DLGAP1: variants seen among roughly 807,000 people sequenced by gnomAD.
DLGAP1 encodes DLG associated protein 1.
Under a neutral mutation model 90.8 loss-of-function variants are expected in DLGAP1, and 11 were observed. That is an observed-to-expected ratio of 0.12 (90% CI 0.08 to 0.20). DLGAP1 has a LOEUF of 0.20. Ranked by LOEUF, DLGAP1 falls within the 10% of genes least tolerant of loss-of-function variation. The probability of loss-of-function intolerance (pLI) is 1.00; values close to 1 mark genes in which losing one functional copy is unlikely to be tolerated. For missense variants in DLGAP1, 1,050 were observed against 1,333.8 expected (o/e 0.79, Z 3.31); for synonymous variants, 558 against 540.7 (o/e 1.03, Z -0.44).
At chr18:4,135,809 C>T (rs9962568) in intron 2 of DLGAP1, among the ~76,000 whole-genome samples, 7,512 of 90,712 alleles carry the variant, frequency 0.083, 689 homozygotes, top group African/African-American at 0.32. Flanking sequence ...TTTTTTTTTA[C>T]GGCTGAATAG....
At chr18:3,885,816 A>T (rs938315606) in intron 3 of DLGAP1, among the ~76,000 whole-genome samples, 1 of 152,210 alleles carries the variant, frequency 6.6e-6, no homozygotes, top group South Asian at 2.1e-4. Context: ...TCAGAGTGTG[A>T]GATGCACAGT....
At chr18:4,442,062 G>A (rs1037880576) in intron 1 of DLGAP1, among the ~76,000 whole-genome samples, 1 of 152,174 alleles carries the variant, frequency 6.6e-6, no homozygotes, top group African/African-American at 2.4e-5. Context: ...CGCGATCTCA[G>A]CTCACTGAAA....
chr18:4,124,483 T>C (rs2076202031), intron 2 of DLGAP1, among the ~76,000 whole-genome samples: 2 of 152,250 alleles, frequency 1.3e-5, no homozygotes, highest in African/African-American at 2.4e-5. Flanking sequence ...AGACACATAA[T>C]GACAGGCCAG....
chr18:3,628,445 C>T (rs1215147005), intron 7 of DLGAP1, among the ~76,000 whole-genome samples: 1 of 152,146 alleles, frequency 6.6e-6, no homozygotes, highest in Non-Finnish European at 1.5e-5. Context: ...ACCTCAGCCT[C>T]CCAGAGTGCT....
chr18:3,959,669 A>AAAGAAAGAAAGAAAG lies in DLGAP1; in HGVS notation c.-73+45446_-73+45447insCTTTCTTTCTTTCTT, dbSNP rs1555714889. Among the ~76,000 whole-genome samples the AAAGAAAGAAAGAAAG allele has an allele frequency of 7.9e-3, 1,181 of 149,282 alleles. 14 individuals are homozygous for AAAGAAAGAAAGAAAG. The highest frequency in any genetic ancestry group is 0.042 in the East Asian group (216 of 5,102). ...ACAGAGCGAGACTCTGTCTCAAAAA[A>AAAGAAAGAAAGAAAG]AAAGAAAGAAAGAAAGAAAGAAAGA... On this transcript the variant is annotated intron_variant, in intron 3 of 12. Coordinates refer to ENST00000315677, the MANE Select transcript of DLGAP1 (RefSeq NM_004746.4).
chr18:4,316,268 C>T (rs909999768), intron 1 of DLGAP1, among the ~76,000 whole-genome samples: 7 of 152,162 alleles, frequency 4.6e-5, no homozygotes, highest in South Asian at 2.1e-4. Context: ...TGACAGTAAC[C>T]GCCTATTAAC....
chr18:3,680,937 C>T (rs1023180331), intron 7 of DLGAP1, among the ~76,000 whole-genome samples: 3 of 152,126 alleles, frequency 2.0e-5, no homozygotes, highest in Non-Finnish European at 4.4e-5. Context: ...TTTCCACAAG[C>T]CTCGTGAAAG....
chr18:3,687,425 C>G (rs1003035677), intron 7 of DLGAP1, among the ~76,000 whole-genome samples: 1 of 152,070 alleles, frequency 6.6e-6, no homozygotes, highest in Non-Finnish European at 1.5e-5. Context: ...TGTAAGCATA[C>G]GCCAACAACA....
intron 2 of DLGAP1, among the ~76,000 whole-genome samples, chr18:4,024,166 A>G (rs974477770): frequency 6.6e-6 from 1 of 152,220 alleles, no homozygotes; most frequent in Non-Finnish European, 1.5e-5. Flanking sequence ...GAGATAGTAT[A>G]TACAAATATC....
chr18:3,772,332 TTC>T (rs10532577), intron 5 of DLGAP1, among the ~76,000 whole-genome samples: 41,212 of 92,088 alleles, frequency 0.45, 10,413 homozygotes, highest in East Asian at 0.64. Flanking sequence ...CTTTCTCTCC[TTC>T]TCTCTCTCTC....
intron 2 of DLGAP1, among the ~76,000 whole-genome samples, chr18:4,014,154 C>T (rs1356442856): frequency 1.4e-5 from 2 of 146,212 alleles, no homozygotes; most frequent in Non-Finnish European, 3.0e-5. Flanking sequence ...GGCATGATCT[C>T]GACTCACTGC....
chr18:4,436,019 G>T (rs1351385892), intron 1 of DLGAP1, among the ~76,000 whole-genome samples: 2 of 152,194 alleles, frequency 1.3e-5, no homozygotes, highest in Non-Finnish European at 2.9e-5. Flanking sequence ...TATCAGCAAA[G>T]AAGCTCAAAA....
intron 3 of DLGAP1, among the ~76,000 whole-genome samples, chr18:3,990,273 C>T (rs1189841421): frequency 6.6e-6 from 1 of 151,866 alleles, no homozygotes; most frequent in Non-Finnish European, 1.5e-5. Flanking sequence ...GAAAATGTGG[C>T]ACATATACAC....
intron 9 of DLGAP1, among the ~76,000 whole-genome samples, chr18:3,548,270 A>T (rs1599169042): frequency 1.7e-5 from 2 of 118,388 alleles, no homozygotes; most frequent in South Asian, 2.4e-4. Flanking sequence ...TCTTAGTATA[A>T]TTTTTCTAAA....
chr18:3,630,731 T>G (rs2058493518), intron 7 of DLGAP1, among the ~76,000 whole-genome samples: 1 of 152,222 alleles, frequency 6.6e-6, no homozygotes, highest in South Asian at 2.1e-4. Context: ...GCTACTGCCC[T>G]GTCCTTGTGC....
chr18:4,421,005 TTATTAG>T (rs1213673673), intron 1 of DLGAP1, among the ~76,000 whole-genome samples: 4 of 152,214 alleles, frequency 2.6e-5, no homozygotes, highest in Admixed American at 1.3e-4. Context: ...CTTGAAACTA[TTATTAG>T]TATCTTCAAA....
rs556833320 is a variant in DLGAP1 at position 4,092,944 on chromosome 18, TG to T, written c.-159+58235del. On this transcript the variant is annotated intron_variant, in intron 2 of 12. Coordinates refer to ENST00000315677, the MANE Select transcript of DLGAP1 (RefSeq NM_004746.4). ...TAGCTGATTTCTTCTTTTAACTGTA[TG>T]GAGCCTGATGCCTCTTCCTCCAGTG... 5.8e-3 allele frequency among the ~76,000 whole-genome samples: 876 copies of T among 152,338 alleles called. 11 individuals carry two copies. The highest frequency in any genetic ancestry group is 0.02 in the African/African-American group (843 of 41,576).
intron 4 of DLGAP1, among the ~76,000 whole-genome samples, chr18:3,836,021 G>A (rs2068360039): frequency 6.6e-6 from 1 of 152,216 alleles, no homozygotes; most frequent in Non-Finnish European, 1.5e-5. Flanking sequence ...TGCCAAAAAT[G>A]AGAAGTGATT....
intron 7 of DLGAP1, among the ~76,000 whole-genome samples, chr18:3,600,996 A>G (rs1261628111): frequency 7.3e-6 from 1 of 136,364 alleles, no homozygotes; most frequent in Non-Finnish European, 1.5e-5. Flanking sequence ...AGATATATAG[A>G]TATATAGATA....
Sources: gnomAD v4.1 joint callset for allele counts (sites outside exome capture counted in the v4.1 genomes callset) on GRCh38, gnomAD v4.1.1 for gene constraint, MANE v1.5 for transcripts, NCBI Gene and HGNC (gene_info 2026-07-23, HGNC 2026-07-21) for gene names.